The following EYS variants were observed in gnomAD, a reference collection of about 807,000 sequenced individuals.
EYS encodes the protein EGF-like photoreceptor maintenance factor.
A neutral mutation model predicts 282.1 loss-of-function variants in EYS; 250 were observed. The observed-to-expected ratio is 0.89, with a 90% CI of 0.80 to 0.98. EYS has a LOEUF of 0.98. Ranked by LOEUF, EYS falls within the 50% of genes least tolerant of loss-of-function variation. EYS has a pLI of 0.00. For synonymous variants in EYS, 1,355 were observed against 1,282.9 expected, an observed-to-expected ratio of 1.06 and a Z score of -1.20; for missense variants, 4,016 against 3,709.0, an observed-to-expected ratio of 1.08 and a Z score of -2.15.
chr6:64,095,550 T>C (rs1772564757), intron 31 of EYS, among the ~76,000 whole-genome samples: 1 of 152,202 alleles, frequency 6.6e-6, no homozygotes, highest in African/African-American at 2.4e-5. Context: ...GTTTAAAGTC[T>C]GTTTTATCAG....
At chr6:65,584,328 A>T (rs1224870589) in intron 2 of EYS, among the ~76,000 whole-genome samples, 1 of 152,106 alleles carries the variant, frequency 6.6e-6, no homozygotes, top group Non-Finnish European at 1.5e-5. Context: ...ACTGGCATCT[A>T]CTAGGTAAAA....
Position 64,659,343 on chromosome 6 carries a change from A to G in EYS, c.3444-33098T>C, listed in dbSNP as rs1485741757. On this transcript the variant is annotated intron_variant, in intron 22 of 42. Coordinates refer to ENST00000503581, the MANE Select transcript of EYS (RefSeq NM_001142800.2). ...TAAAAGAACTAGATAAGAAAGAGCAAACACATTCAAAAGCTAGCAGAAGGC... is the reference window on the plus strand; with the variant it reads ...TAAAAGAACTAGATAAGAAAGAGCAGACACATTCAAAAGCTAGCAGAAGGC... Among the ~76,000 whole-genome samples the G allele has an allele frequency of 4.8e-5, 7 of 147,124 alleles. No individual in the cohort carries two copies. The South Asian group carries it at 8.5e-4, about 18-fold the overall frequency.
At chr6:64,238,619 A>G (rs1327951093) in intron 30 of EYS, among the ~76,000 whole-genome samples, 7 of 152,090 alleles carry the variant, frequency 4.6e-5, no homozygotes, top group African/African-American at 1.7e-4. Flanking sequence ...CTAAGCTCCC[A>G]CTTACAAGTG....
At chr6:65,405,560 T>C (rs928831726) in intron 5 of EYS, among the ~76,000 whole-genome samples, 193 bp from the exon 6 acceptor site, 6 of 152,074 alleles carry the variant, frequency 3.9e-5, no homozygotes, top group Non-Finnish European at 7.4e-5. Flanking sequence ...CTTTTGCAAA[T>C]GTATAGAGCT....
chr6:63,954,974 C>T (rs1044142987), intron 35 of EYS, among the ~76,000 whole-genome samples: 10 of 152,182 alleles, frequency 6.6e-5, no homozygotes, highest in Non-Finnish European at 1.3e-4. Flanking sequence ...GTTCAGGCCC[C>T]CTCTCTTCCC....
At chr6:63,843,810 C>G (rs552212246) in intron 36 of EYS, among the ~76,000 whole-genome samples, 1 of 152,310 alleles carries the variant, frequency 6.6e-6, no homozygotes, top group East Asian at 1.9e-4. Flanking sequence ...GTCAAATTAT[C>G]TCTGTTTGCA....
intron 2 of EYS, among the ~76,000 whole-genome samples, chr6:65,631,731 C>G (rs997303733): frequency 6.6e-6 from 1 of 152,124 alleles, no homozygotes; most frequent in East Asian, 1.9e-4. Flanking sequence ...ATTGTGTCAG[C>G]AGTTCTAATG....
At chr6:65,468,482 GTTAT>G (rs200286337) in intron 5 of EYS, among the ~76,000 whole-genome samples, 3 of 151,882 alleles carry the variant, frequency 2.0e-5, no homozygotes, top group Non-Finnish European at 2.9e-5. Flanking sequence ...AGCCTTTAAA[GTTAT>G]TTATTTATTT....
chr6:64,287,212 C>T (rs1355937870), intron 30 of EYS, among the ~76,000 whole-genome samples: 1 of 152,016 alleles, frequency 6.6e-6, no homozygotes, highest in Non-Finnish European at 1.5e-5. Context: ...TCTCCAATAA[C>T]AGCCAAAAAA....
intron 26 of EYS, among the ~76,000 whole-genome samples, chr6:64,475,007 C>T (rs1451789160): frequency 5.9e-5 from 9 of 152,112 alleles, no homozygotes; most frequent in East Asian, 1.9e-4. Flanking sequence ...CAATGGCCAA[C>T]GGGAAATATA....
intron 13 of EYS, among the ~76,000 whole-genome samples, chr6:65,020,524 C>T (rs1427883114): frequency 6.6e-6 from 1 of 152,160 alleles, no homozygotes; most frequent in African/African-American, 2.4e-5. Context: ...GGGTACGGCT[C>T]TCGATCCTAG....
At chr6:64,893,586 T>C (rs1441698476) in intron 18 of EYS, among the ~76,000 whole-genome samples, 2 of 152,006 alleles carry the variant, frequency 1.3e-5, no homozygotes, top group Non-Finnish European at 2.9e-5. Context: ...ATGTGACTAC[T>C]TCATTTTCAG....
At chr6:65,013,886 T>C (rs1331844081) in intron 13 of EYS, among the ~76,000 whole-genome samples, 1 of 152,118 alleles carries the variant, frequency 6.6e-6, no homozygotes, top group Non-Finnish European at 1.5e-5. Flanking sequence ...TCAATGTGGG[T>C]AAGATATGTG....
intron 40 of EYS, among the ~76,000 whole-genome samples, chr6:63,773,547 T>G (rs1193158743): frequency 3.3e-5 from 5 of 152,178 alleles, no homozygotes; most frequent in Admixed American, 3.3e-4. Flanking sequence ...ATAACAGTCA[T>G]GTATAGCTTG....
chr6:63,733,046 G>A (rs557640042), intron 41 of EYS, among the ~76,000 whole-genome samples: 75 of 152,254 alleles, frequency 4.9e-4, no homozygotes, highest in African/African-American at 1.7e-3. Context: ...ATTGGGCCAA[G>A]TGGCTCTTTG....
At chr6:65,586,834 A>G (rs1765065459) in intron 2 of EYS, among the ~76,000 whole-genome samples, 1 of 152,076 alleles carries the variant, frequency 6.6e-6, no homozygotes, top group Non-Finnish European at 1.5e-5. Context: ...TAAAATTTCT[A>G]TGATAGACAG....
rs115337514 is a variant in EYS at position 64,076,560 on chromosome 6, G to C, written c.6571+5296C>G. On this transcript the variant is annotated intron_variant, in intron 32 of 42. Transcript: ENST00000503581. ...TCCCTCATACTGTTCTGGTGGTAGG[G>C]TATAAGTCTCATGAGATCTGATGGT... 2.4e-3 allele frequency among the ~76,000 whole-genome samples: 360 copies of C among 151,950 alleles called. 1 individual carries two copies. The highest frequency in any genetic ancestry group is 8.2e-3 in the African/African-American group (341 of 41,494).
intron 35 of EYS, among the ~76,000 whole-genome samples, chr6:63,921,446 G>A (rs1764572048): frequency 1.3e-5 from 2 of 152,114 alleles, no homozygotes; most frequent in Non-Finnish European, 1.5e-5. Context: ...TTAGATTTCC[G>A]TTTTAGTTTA....
At chr6:65,256,147 A>G (rs1582069410) in intron 12 of EYS, among the ~76,000 whole-genome samples, 1 of 151,978 alleles carries the variant, frequency 6.6e-6, no homozygotes, top group Non-Finnish European at 1.5e-5. Flanking sequence ...ACATATACAC[A>G]CTGAAGTACT....
Sources: gnomAD v4.1 joint callset for allele counts (sites outside exome capture counted in the v4.1 genomes callset) on GRCh38, gnomAD v4.1.1 for gene constraint, MANE v1.5 for transcripts, NCBI Gene and HGNC (gene_info 2026-07-23, HGNC 2026-07-21) for gene names.